The following PAPSS1 variants were observed in gnomAD, a reference collection of about 807,000 sequenced individuals.
PAPSS1 encodes 3'-phosphoadenosine 5'-phosphosulfate synthase 1, also known as bifunctional 3'-phosphoadenosine 5'-phosphosulfate synthase 1.
PAPSS1 carries 50 observed loss-of-function variants against 72.0 expected under a neutral mutation model. The ratio of observed to expected loss-of-function variants is 0.69; its 90% CI spans 0.55 to 0.88. The LOEUF is 0.88. Among genes scored for constraint, PAPSS1 ranks in the 40% least tolerant of loss-of-function variants. The pLI is 0.00. For missense variants in PAPSS1, 657 were observed against 782.2 expected (o/e 0.84, Z 1.91); for synonymous variants, 261 against 263.6 (o/e 0.99, Z 0.09).
intron 5 of PAPSS1, among the ~76,000 whole-genome samples, chr4:107,680,157 T>C (rs993385080): frequency 1.3e-5 from 2 of 151,786 alleles, no homozygotes; most frequent in African/African-American, 4.8e-5. Flanking sequence ...CACATGATAA[T>C]GGCCAAGAAT....
chr4:107,691,631 T>C (rs1052383730), intron 3 of PAPSS1, among the ~76,000 whole-genome samples: 21 of 152,256 alleles, frequency 1.4e-4, no homozygotes, highest in African/African-American at 4.8e-4. Context: ...GGAGGCAGCA[T>C]AGCATCTAAG....
intron 9 of PAPSS1, among the ~76,000 whole-genome samples, chr4:107,647,743 C>T (rs1726731296): frequency 6.6e-6 from 1 of 152,128 alleles, no homozygotes; most frequent in Non-Finnish European, 1.5e-5. Context: ...CCATTCCAGT[C>T]TAACCACCTG....
chr4:107,636,896 G>T (rs928199028), intron 10 of PAPSS1, among the ~76,000 whole-genome samples: 7 of 152,026 alleles, frequency 4.6e-5, no homozygotes, highest in Non-Finnish European at 1.0e-4. Context: ...TGGAGCTAAG[G>T]TTTACTCAAA....
intron 2 of PAPSS1, among the ~76,000 whole-genome samples, chr4:107,699,309 T>C (rs1163109804): frequency 6.6e-6 from 1 of 150,692 alleles, no homozygotes; most frequent in East Asian, 1.9e-4. Context: ...AAAGTCAACA[T>C]TGCTGATGAA....
At chr4:107,706,684 C>T (rs1723346242) in intron 1 of PAPSS1, among the ~76,000 whole-genome samples, 1 of 152,104 alleles carries the variant, frequency 6.6e-6, no homozygotes, top group African/African-American at 2.4e-5. Flanking sequence ...TGTTTTTTCA[C>T]ATTTCTTGTT....
intron 10 of PAPSS1, among the ~76,000 whole-genome samples, chr4:107,644,105 C>A (rs1449537323): frequency 6.6e-6 from 1 of 152,166 alleles, no homozygotes; most frequent in Admixed American, 6.6e-5. Context: ...TCCACTAGAC[C>A]ATGCTCTTTC....
At chr4:107,671,973 C>T (rs534890436) in intron 5 of PAPSS1, among the ~76,000 whole-genome samples, 6 of 151,760 alleles carry the variant, frequency 4.0e-5, no homozygotes, top group South Asian at 4.2e-4. Context: ...TGGCAAATTT[C>T]AAGTTAAAAA....
chr4:107,704,883 G>A (rs969192669), intron 1 of PAPSS1, among the ~76,000 whole-genome samples: 3 of 151,964 alleles, frequency 2.0e-5, no homozygotes, highest in Admixed American at 1.3e-4. Flanking sequence ...CCCAGGAGGC[G>A]GAGGTTGCAG....
intron 11 of PAPSS1, among the ~76,000 whole-genome samples, chr4:107,630,572 C>T (rs973431547): frequency 6.6e-6 from 1 of 152,172 alleles, no homozygotes; most frequent in East Asian, 1.9e-4. Flanking sequence ...TACAAATTAT[C>T]CAGTCTCATG....
At chr4:107,619,767 CA>C (rs1273084266) in intron 11 of PAPSS1, among the ~76,000 whole-genome samples, 3 of 152,144 alleles carry the variant, frequency 2.0e-5, no homozygotes, top group East Asian at 3.9e-4. Flanking sequence ...AAAAGAAATA[CA>C]AGTATGTTTG....
rs534482874 is a variant in PAPSS1, at chr4:107,668,469, C to T, written c.670-8397G>A. Among the ~76,000 whole-genome samples the T allele has an allele frequency of 1.1e-4, 16 of 152,200 alleles. No homozygotes were observed. The South Asian group carries it at 2.9e-3, about 28-fold the overall frequency. ...TTGATCCTGGGTGCATCTGTGAGGG[C>T]GTTGCCAAAGGAGATTAACATTTGA... On this transcript the variant is annotated intron_variant, in intron 5 of 11. Transcript: ENST00000265174.
intron 11 of PAPSS1, among the ~76,000 whole-genome samples, chr4:107,614,713 T>C (rs1472097286): frequency 6.6e-6 from 1 of 152,180 alleles, no homozygotes; most frequent in African/African-American, 2.4e-5. Flanking sequence ...TCTTGCAAAA[T>C]TATAGCATAT....
chr4:107,621,240 C>T (rs989333656), intron 11 of PAPSS1, among the ~76,000 whole-genome samples: 4 of 151,994 alleles, frequency 2.6e-5, no homozygotes, highest in African/African-American at 4.8e-5. Context: ...TAGTATGGTA[C>T]CAGATACTGA....
chr4:107,686,975 A>G, intron 4 of PAPSS1, 64 bp downstream of exon 4: 1 of 1,412,642 alleles, frequency 7.1e-7, no homozygotes, highest in Admixed American at 2.1e-5. Flanking sequence ...AGAAAATATC[A>G]ATCCTAGATA....
chr4:107,614,132 T>C lies in PAPSS1; in HGVS notation c.*117A>G. ...CAAAACTGATGCAAGTTAAGGAAAA[T>C]GGTCTGTTTTTAGGAAGCATGTCCA... On this transcript the variant is annotated 3_prime_UTR_variant, in exon 12 of 12. Coordinates refer to ENST00000265174, the MANE Select transcript of PAPSS1 (RefSeq NM_005443.5). 9.8e-7 allele frequency: 1 copy of C among 1,025,020 alleles called. No homozygotes were observed. Among genetic ancestry groups the C allele is most frequent in the Non-Finnish European group, 1.4e-6 (1 of 706,350 alleles). 63.5% of individuals were successfully genotyped at this position (1,025,020 alleles called of 1,614,324 possible).
intron 10 of PAPSS1, among the ~76,000 whole-genome samples, chr4:107,633,357 G>A (rs1345909535): frequency 6.6e-6 from 1 of 152,142 alleles, no homozygotes; most frequent in Non-Finnish European, 1.5e-5. Flanking sequence ...AAATATACAA[G>A]AAATATTAGC....
intron 11 of PAPSS1, among the ~76,000 whole-genome samples, chr4:107,625,851 G>T (rs961212055): frequency 4.6e-5 from 7 of 152,128 alleles, no homozygotes; most frequent in Non-Finnish European, 1.0e-4. Flanking sequence ...TACAGTTAGA[G>T]TGTTTTTTAA....
intron 2 of PAPSS1, among the ~76,000 whole-genome samples, chr4:107,699,267 CA>C (rs568207137): frequency 1.5e-3 from 206 of 134,578 alleles, no homozygotes; most frequent in African/African-American, 1.2e-3. Context: ...CACTAAGAGC[CA>C]AAAAAAAAAA....
intron 1 of PAPSS1, among the ~76,000 whole-genome samples, chr4:107,707,636 G>A (rs1012932489): frequency 3.9e-5 from 6 of 152,120 alleles, no homozygotes; most frequent in African/African-American, 1.4e-4. Context: ...TTGCAGGCTG[G>A]GGGCAGTAAT....
Sources: gnomAD v4.1 joint callset for allele counts (sites outside exome capture counted in the v4.1 genomes callset) on GRCh38, gnomAD v4.1.1 for gene constraint, MANE v1.5 for transcripts, NCBI Gene and HGNC (gene_info 2026-07-23, HGNC 2026-07-21) for gene names.